The following KIAA1217 variants were observed in gnomAD, a reference collection of about 807,000 sequenced individuals.
KIAA1217 encodes the protein KIAA1217.
A neutral mutation model predicts 163.9 loss-of-function variants in KIAA1217; 88 were observed. The observed-to-expected ratio is 0.54, with a 90% confidence interval of 0.45 to 0.64. The LOEUF (loss-of-function observed/expected upper bound fraction) is 0.64, where lower values mean the gene tolerates loss of function less well. Among genes scored for constraint, KIAA1217 ranks in the 30% least tolerant of loss-of-function variants. The pLI is 0.00. For missense variants in KIAA1217, 2,372 were observed against 2,475.0 expected (o/e 0.96, Z 0.88); for synonymous variants, 903 against 923.1 (o/e 0.98, Z 0.39).
intron 3 of KIAA1217, among the ~76,000 whole-genome samples, chr10:24,398,021 C>T (rs2056054161): frequency 6.6e-6 from 1 of 152,174 alleles, no homozygotes; most frequent in African/African-American, 2.4e-5. Context: ...GACCCTTGAA[C>T]AACACAGGGA....
chr10:23,787,519 C>G (rs1835548473), intron 1 of KIAA1217, among the ~76,000 whole-genome samples: 1 of 151,964 alleles, frequency 6.6e-6, no homozygotes, highest in South Asian at 2.1e-4. Context: ...GAAAATAGAC[C>G]ATTAAGGTAG....
intron 2 of KIAA1217, among the ~76,000 whole-genome samples, chr10:24,128,987 C>T (rs914312931): frequency 2.6e-5 from 4 of 152,268 alleles, no homozygotes; most frequent in African/African-American, 4.8e-5. Flanking sequence ...AAAGTTTAGT[C>T]GGAGTGCATT....
chr10:23,784,187 G>T (rs569218340), intron 1 of KIAA1217, among the ~76,000 whole-genome samples: 12 of 152,018 alleles, frequency 7.9e-5, no homozygotes, highest in Admixed American at 7.2e-4. Flanking sequence ...ATTTAATAGT[G>T]AACTTCTTTG....
chr10:23,855,727 C>T (rs1027281735), intron 1 of KIAA1217, among the ~76,000 whole-genome samples: 1 of 152,044 alleles, frequency 6.6e-6, no homozygotes, highest in Non-Finnish European at 1.5e-5. Flanking sequence ...ATTCTTTTTT[C>T]TCTAAACTTT....
chr10:24,048,757 G>T (rs549295352), intron 2 of KIAA1217, among the ~76,000 whole-genome samples: 2 of 151,030 alleles, frequency 1.3e-5, no homozygotes, highest in East Asian at 2.0e-4. Flanking sequence ...TATTGGCCGG[G>T]CGCAGTGGCT....
intron 3 of KIAA1217, among the ~76,000 whole-genome samples, chr10:24,417,252 C>G (rs1488531345): frequency 6.6e-6 from 1 of 152,072 alleles, no homozygotes; most frequent in Non-Finnish European, 1.5e-5. Context: ...AAAAATCTGC[C>G]CAGAAGAGGA....
At chr10:24,531,091 G>T (rs2073049703) in intron 14 of KIAA1217, among the ~76,000 whole-genome samples, 1 of 152,018 alleles carries the variant, frequency 6.6e-6, no homozygotes, top group Non-Finnish European at 1.5e-5. Context: ...TGTAATGCCA[G>T]CTACTAGGGA....
chr10:23,940,634 A>G (rs751652811), intron 1 of KIAA1217, among the ~76,000 whole-genome samples: 6 of 152,196 alleles, frequency 3.9e-5, no homozygotes, highest in Admixed American at 2.0e-4. Flanking sequence ...CAGAATATGC[A>G]TTATTTGTAA....
At chr10:24,475,891 G>GT (rs1473519622) in intron 6 of KIAA1217, among the ~76,000 whole-genome samples, 3 of 152,182 alleles carry the variant, frequency 2.0e-5, no homozygotes, top group Non-Finnish European at 4.4e-5. Flanking sequence ...TTGGGAAATG[G>GT]TATGTTGCTG....
intron 1 of KIAA1217, among the ~76,000 whole-genome samples, chr10:23,810,518 A>G (rs1011049799): frequency 1.5e-5 from 2 of 133,878 alleles, no homozygotes; most frequent in African/African-American, 5.6e-5. Flanking sequence ...TATACTATAG[A>G]TAATCTATAT....
intron 5 of KIAA1217, among the ~76,000 whole-genome samples, chr10:24,457,164 G>A (rs1032110976): frequency 3.9e-5 from 6 of 152,108 alleles, no homozygotes; most frequent in Non-Finnish European, 7.3e-5. Flanking sequence ...TGGGAGAAGT[G>A]TTGCTCTAAC....
chr10:23,920,913 C>T (rs1039979599), intron 1 of KIAA1217, among the ~76,000 whole-genome samples: 2 of 152,130 alleles, frequency 1.3e-5, no homozygotes, highest in Non-Finnish European at 2.9e-5. Context: ...GAATAAGTCT[C>T]ATGATTTTAT....
intron 2 of KIAA1217, among the ~76,000 whole-genome samples, chr10:24,192,791 C>G (rs1440725265): frequency 6.6e-6 from 1 of 152,146 alleles, no homozygotes; most frequent in South Asian, 2.1e-4. Context: ...CTTTATTTAT[C>G]TTTTTGAGAC....
chr10:23,704,170 G>GTATATATATATA (rs1314137167), intron 1 of KIAA1217, among the ~76,000 whole-genome samples: 17 of 54,080 alleles, frequency 3.1e-4, no homozygotes, highest in Non-Finnish European at 3.8e-4. Context: ...GTGTGTGTGT[G>GTATATATATATA]TGTATATATA....
At chr10:23,709,778 G>A (rs940044004) in intron 1 of KIAA1217, among the ~76,000 whole-genome samples, 7 of 151,856 alleles carry the variant, frequency 4.6e-5, no homozygotes, top group East Asian at 1.9e-4. Flanking sequence ...TGTTTAACTC[G>A]GAGATACAAA....
Position 24,219,927 on chromosome 10 carries a change from T to C in KIAA1217, c.354+18T>C, listed in dbSNP as rs1453466634. 1 of 1,565,516 alleles carries C rather than the reference T, an allele frequency of 6.4e-7. No individual in the cohort carries two copies. The highest frequency in any genetic ancestry group is 8.6e-7 in the Non-Finnish European group (1 of 1,158,968). ...GAGACCAGGTACGAATATGCTCTCATTTCTCCTTGTGTAGCTCGCTCTCTA... is the reference window on the plus strand; with the variant it reads ...GAGACCAGGTACGAATATGCTCTCACTTCTCCTTGTGTAGCTCGCTCTCTA... On this transcript the variant is annotated intron_variant, in intron 2 of 20. Coordinates refer to ENST00000376454, the MANE Select transcript of KIAA1217 (RefSeq NM_019590.5).
chr10:23,856,720 G>A (rs370231688), intron 1 of KIAA1217, among the ~76,000 whole-genome samples: 20 of 152,242 alleles, frequency 1.3e-4, no homozygotes, highest in East Asian at 5.8e-4. Context: ...AATGGCAGGC[G>A]CCCCTCCCCC....
chr10:24,319,668 C>T (rs1193648451), intron 2 of KIAA1217, among the ~76,000 whole-genome samples: 1 of 152,200 alleles, frequency 6.6e-6, no homozygotes, highest in Non-Finnish European at 1.5e-5. Context: ...GAATTTCACA[C>T]TGGCTCAAGC....
intron 1 of KIAA1217, among the ~76,000 whole-genome samples, chr10:23,826,695 G>A (rs1250688054): frequency 6.6e-6 from 1 of 152,150 alleles, no homozygotes; most frequent in Non-Finnish European, 1.5e-5. Flanking sequence ...CCTGTGGTGT[G>A]TAGTTGCTGT....
Sources: allele counts gnomAD v4.1 joint callset (sites outside exome capture counted in the v4.1 genomes callset), GRCh38; gene constraint gnomAD v4.1.1; transcripts MANE v1.5; gene names NCBI Gene and HGNC (gene_info 2026-07-23, HGNC 2026-07-21).